FRY: variants seen among roughly 807,000 people sequenced by gnomAD.
FRY encodes protein furry homolog.
FRY carries 128 observed loss-of-function variants against 348.4 expected under a neutral mutation model. That is an observed-to-expected ratio of 0.37 (90% confidence interval 0.32 to 0.43). The LOEUF is 0.43. Ranked by LOEUF, FRY falls within the 20% of genes least tolerant of loss-of-function variation. The pLI is 1.00. For missense variants in FRY, 2,736 were observed against 3,695.2 expected (o/e 0.74, Z 6.73); for synonymous variants, 1,370 against 1,374.7 (o/e 1.00, Z 0.08).
intron 1 of FRY, among the ~76,000 whole-genome samples, chr13:32,053,520 C>T (rs973267186): frequency 6.6e-6 from 1 of 152,210 alleles, no homozygotes; most frequent in Non-Finnish European, 1.5e-5. Context: ...CGAACTGTCT[C>T]GGTCCCAGAC....
In FRY at chr13:32,209,722, C is replaced by T. The variant is rs1213725294; in HGVS notation, c.4413C>T (p.Leu1471=). The change falls in exon 33 of 61, where the codon CTC becomes CTT. Residue 1471 remains leucine (L), a synonymous_variant. Transcript: ENST00000542859. ...GTGGGGTCAGCAGCGACACAGTTCT[C>T]CTACCCTATGTAAGTGTCTCTCAGC... ...SLCGVSSDTV[L]LPYIKKVAIY... 1.2e-6 allele frequency: 2 copies of T among 1,614,016 alleles called. No individual in the cohort carries two copies. The highest frequency in any genetic ancestry group is 2.7e-5 in the African/African-American group (2 of 74,922).
chr13:32,079,073 T>C (rs910972192), intron 2 of FRY, 40 bp downstream of exon 2: 3 of 1,297,040 alleles, frequency 2.3e-6, no homozygotes, highest in Non-Finnish European at 2.2e-6. Context: ...TGAAAATTCA[T>C]CTGTATGCTG....
chr13:32,283,151 A>AC (rs1888895712), intron 58 of FRY, among the ~76,000 whole-genome samples: 1 of 151,874 alleles, frequency 6.6e-6, no homozygotes, highest in African/African-American at 2.4e-5. Flanking sequence ...AAAAAAAAAA[A>AC]ACAAAACAAC....
At chr13:32,102,498 G>T (rs1263229681) in intron 3 of FRY, among the ~76,000 whole-genome samples, 1 of 152,140 alleles carries the variant, frequency 6.6e-6, no homozygotes, top group Non-Finnish European at 1.5e-5. Context: ...AGGTCTTCAA[G>T]AATTCAGAGT....
intron 7 of FRY, among the ~76,000 whole-genome samples, chr13:32,126,538 G>T (rs1782473658): frequency 1.3e-5 from 2 of 152,168 alleles, no homozygotes; most frequent in Non-Finnish European, 2.9e-5. Context: ...CGGTAGTAGG[G>T]TGTAAGAAAT....
intron 31 of FRY, among the ~76,000 whole-genome samples, chr13:32,205,266 T>A (rs1884292012): frequency 6.7e-6 from 1 of 148,918 alleles, no homozygotes; most frequent in Admixed American, 6.7e-5. Context: ...GCAAATGCAA[T>A]TTTTTAAAAA....
At chr13:32,179,125 C>A in intron 22 of FRY, 92 bp downstream of exon 22, 1 of 894,212 alleles carries the variant, frequency 1.1e-6, no homozygotes, top group South Asian at 1.4e-5. Flanking sequence ...CTGTGCCTGC[C>A]ATCTGGAGTA....
intron 30 of FRY, 104 bp downstream of exon 30, chr13:32,202,144 T>C: frequency 1.2e-6 from 1 of 842,572 alleles, no homozygotes; most frequent in Admixed American, 1.8e-5. Flanking sequence ...CTTTGTTTAT[T>C]TCTGCATATC....
At chr13:32,050,456 A>G (rs970167331) in intron 1 of FRY, among the ~76,000 whole-genome samples, 4 of 152,220 alleles carry the variant, frequency 2.6e-5, no homozygotes, top group African/African-American at 4.8e-5. Flanking sequence ...AGTGACACAC[A>G]GGCATTAGCA....
chr13:32,196,262 G>C (rs1883671481), intron 29 of FRY, among the ~76,000 whole-genome samples: 1 of 152,190 alleles, frequency 6.6e-6, no homozygotes, highest in Non-Finnish European at 1.5e-5. Context: ...ATTCTTGTAA[G>C]ATAAATAATG....
chr13:32,078,092 C>T (rs926625781), intron 1 of FRY, among the ~76,000 whole-genome samples: 1 of 152,206 alleles, frequency 6.6e-6, no homozygotes, highest in Non-Finnish European at 1.5e-5. Flanking sequence ...CTAATTAAAA[C>T]AGTGTCTGAC....
chr13:32,145,032 A>G (rs1880315352), intron 11 of FRY, among the ~76,000 whole-genome samples: 1 of 152,180 alleles, frequency 6.6e-6, no homozygotes, highest in Admixed American at 6.5e-5. Context: ...CACTTGGGAG[A>G]AAAGAAAGAT....
Position 32,120,739 on chromosome 13 carries a change from G to T in FRY, c.464+3266G>T, listed in dbSNP as rs138539896. On this transcript the variant is annotated intron_variant, in intron 4 of 60. Coordinates refer to ENST00000542859, the MANE Select transcript of FRY (RefSeq NM_023037.3). ...TGCAATGGCATGATCTCAGCTCACT[G>T]CAACCTCCACCTCCCAGGTTCAAGT... Among the ~76,000 whole-genome samples the T allele has an allele frequency of 2.7e-3, 409 of 152,314 alleles. 1 individual carries two copies. Among genetic ancestry groups the T allele is most frequent in the African/African-American group, 8.7e-3 (362 of 41,566 alleles).
intron 28 of FRY, among the ~76,000 whole-genome samples, chr13:32,193,472 C>T (rs1883475180): frequency 6.6e-6 from 1 of 151,824 alleles, no homozygotes; most frequent in Admixed American, 6.6e-5. Context: ...TGATCCCCCA[C>T]AATACTCTGA....
At chr13:32,043,212 G>A (rs1455033197) in intron 1 of FRY, among the ~76,000 whole-genome samples, 2 of 152,094 alleles carry the variant, frequency 1.3e-5, no homozygotes, top group African/African-American at 4.8e-5. Flanking sequence ...AGAACAGTAT[G>A]GGAGAAATTG....
intron 3 of FRY, among the ~76,000 whole-genome samples, chr13:32,106,532 T>C (rs1429290530): frequency 6.6e-6 from 1 of 152,200 alleles, no homozygotes; most frequent in Non-Finnish European, 1.5e-5. Context: ...ATTCTCAAAG[T>C]CCAGTATGGC....
At chr13:32,032,407 T>G (rs1872286475) in intron 1 of FRY, among the ~76,000 whole-genome samples, 1 of 152,210 alleles carries the variant, frequency 6.6e-6, no homozygotes, top group African/African-American at 2.4e-5. Context: ...ATCTGCAGAT[T>G]TATTTCATCT....
At chr13:32,100,879 T>C (rs1434772258) in intron 2 of FRY, among the ~76,000 whole-genome samples, 3 of 152,166 alleles carry the variant, frequency 2.0e-5, no homozygotes, top group African/African-American at 4.8e-5. Context: ...CCTTAGGACC[T>C]CTTACTGATC....
intron 1 of FRY, among the ~76,000 whole-genome samples, chr13:32,064,351 A>C (rs1365738085): frequency 6.6e-6 from 1 of 151,622 alleles, no homozygotes; most frequent in Non-Finnish European, 1.5e-5. Flanking sequence ...TCTAGTTCTC[A>C]GCTTAAGTGT....
Sources: allele counts gnomAD v4.1 joint callset (sites outside exome capture counted in the v4.1 genomes callset), GRCh38; gene constraint gnomAD v4.1.1; transcripts MANE v1.5; gene names NCBI Gene and HGNC (gene_info 2026-07-23, HGNC 2026-07-21).